GAB4: variants seen among roughly 807,000 people sequenced by gnomAD.
The protein encoded by GAB4 is GRB2-associated-binding protein 4.
In GAB4, 26 loss-of-function variants were observed where a neutral mutation model predicts 51.3. That is an observed-to-expected ratio of 0.51 (90% CI 0.37 to 0.70). The LOEUF is 0.70. Among genes scored for constraint, GAB4 ranks in the 30% least tolerant of loss-of-function variants. The pLI, the probability that GAB4 is intolerant of heterozygous loss-of-function variation, is 0.00. For missense variants in GAB4, 759 were observed against 734.6 expected (o/e 1.03, Z -0.38); for synonymous variants, 329 against 291.2 (o/e 1.13, Z -1.32).
intron 3 of GAB4, among the ~76,000 whole-genome samples, chr22:16,980,407 A>G (rs1222238359): frequency 6.6e-6 from 1 of 152,192 alleles, no homozygotes; most frequent in African/African-American, 2.4e-5. Flanking sequence ...CATGAAAAAA[A>G]GCTCATCATC....
chr22:17,005,942 A>T (rs2061036938), intron 1 of GAB4, among the ~76,000 whole-genome samples: 1 of 152,230 alleles, frequency 6.6e-6, no homozygotes, highest in African/African-American at 2.4e-5. Flanking sequence ...AGGCAATATC[A>T]TCCAGGACAT....
chr22:16,966,333 C>T lies in GAB4; in HGVS notation c.1055G>A (p.Ser352Asn), dbSNP rs754366533. The T allele has an allele frequency of 1.5e-5, 24 of 1,613,376 alleles. No homozygotes were observed. Among genetic ancestry groups the T allele is most frequent in the East Asian group, 6.7e-5 (3 of 44,870 alleles). ...CACACAGCTGCCCTCAGAAGCAATGCTGTCTGACAGGCCCACAAGCGTTCT... is the reference window on the plus strand; with the variant it reads ...CACACAGCTGCCCTCAGAAGCAATGTTGTCTGACAGGCCCACAAGCGTTCT... ...PGRTLVGLSD[S>N]IASEGSCVPM... Residue 352 changes from serine to asparagine, a missense_variant, in exon 6 of 10, where the codon AGC becomes AAC. Coordinates refer to ENST00000400588, the MANE Select transcript of GAB4 (RefSeq NM_001037814.1).
At position 16,964,763 on chromosome 22, in the gene GAB4, C is replaced by T; in HGVS notation, c.1476+3G>A. ...AGCCTTACAGTGACCCCCAAGGACTCACCGGGAAAAGATACCTCTCTCCAC... is the reference window on the plus strand; with the variant it reads ...AGCCTTACAGTGACCCCCAAGGACTTACCGGGAAAAGATACCTCTCTCCAC... On this transcript the variant is annotated splice_donor_region_variant and intron_variant, in intron 8 of 9. Transcript: ENST00000400588. The T allele has an allele frequency of 1.2e-6, 2 of 1,606,070 alleles. No individual in the cohort carries two copies. The highest frequency in any genetic ancestry group is 1.7e-6 in the Non-Finnish European group (2 of 1,172,888).
chr22:16,999,476 T>C (rs1472842921), intron 1 of GAB4, among the ~76,000 whole-genome samples: 1 of 152,194 alleles, frequency 6.6e-6, no homozygotes, highest in Non-Finnish European at 1.5e-5. Flanking sequence ...TCTGTGGGAT[T>C]GGTGGTGATA....
chr22:16,984,922 T>C (rs1471255206), intron 3 of GAB4, among the ~76,000 whole-genome samples: 1 of 152,228 alleles, frequency 6.6e-6, no homozygotes, highest in Non-Finnish European at 1.5e-5. Flanking sequence ...CTGGCCCCAC[T>C]GTGCTGCTTT....
chr22:16,962,709 C>T lies in GAB4; in HGVS notation c.*24G>A. On this transcript the variant is annotated 3_prime_UTR_variant, in exon 10 of 10. Coordinates refer to ENST00000400588, the MANE Select transcript of GAB4 (RefSeq NM_001037814.1). ...GCAGCTCTGAGGCACTGTCCTGGCCCCACTCTGGTTTTGGTGGCCCGAGTC... is the reference window on the plus strand; with the variant it reads ...GCAGCTCTGAGGCACTGTCCTGGCCTCACTCTGGTTTTGGTGGCCCGAGTC... 6.2e-7 allele frequency: 1 copy of T among 1,602,840 alleles called. No homozygotes were observed. Among genetic ancestry groups the T allele is most frequent in the Non-Finnish European group, 8.5e-7 (1 of 1,176,402 alleles).
At chr22:16,994,497 A>G (rs1257877046) in intron 1 of GAB4, among the ~76,000 whole-genome samples, 1 of 152,222 alleles carries the variant, frequency 6.6e-6, no homozygotes, top group Non-Finnish European at 1.5e-5. Flanking sequence ...TAGTGTGAGC[A>G]TAGCAGGTGT....
In GAB4 at chr22:16,962,692, G is replaced by C. The variant is rs1214162919; in HGVS notation, c.*41C>G. The C allele has an allele frequency of 4.4e-6, 7 of 1,581,278 alleles. No homozygotes were observed. In the East Asian group the frequency reaches 1.3e-4, roughly 30 times the overall value. On this transcript the variant is annotated 3_prime_UTR_variant, in exon 10 of 10. Transcript: ENST00000400588. Reference sequence around the variant, plus strand: ...CTTTAGAGTGTGGCGGAGCAGCTCTGAGGCACTGTCCTGGCCCCACTCTGG... The same window carrying C: ...CTTTAGAGTGTGGCGGAGCAGCTCTCAGGCACTGTCCTGGCCCCACTCTGG...
chr22:16,981,144 T>C (rs1601266236), intron 3 of GAB4, among the ~76,000 whole-genome samples: 1 of 151,366 alleles, frequency 6.6e-6, no homozygotes, highest in Admixed American at 6.6e-5. Flanking sequence ...TATCCCAGAA[T>C]TTAAAGTATA....
At chr22:16,974,886 A>G (rs1308051046) in intron 3 of GAB4, among the ~76,000 whole-genome samples, 1 of 152,152 alleles carries the variant, frequency 6.6e-6, no homozygotes, top group Non-Finnish European at 1.5e-5. Context: ...GTGGGGCGTC[A>G]CCTCACCAGG....
At position 16,992,179 on chromosome 22, in the gene GAB4, A is replaced by G; in HGVS notation, c.175-3T>C. 2 of 1,603,542 alleles carry G rather than the reference A, an allele frequency of 1.2e-6. No homozygotes were observed. Among genetic ancestry groups the G allele is most frequent in the Non-Finnish European group, 8.5e-7 (1 of 1,172,800 alleles). Reference sequence around the variant, plus strand: ...ATAAACCAGCGTTTCCTCCAGGCCTAAGGAAGGAGTAAGAAGAGGGGAAGC... The same window carrying G: ...ATAAACCAGCGTTTCCTCCAGGCCTGAGGAAGGAGTAAGAAGAGGGGAAGC... On this transcript the variant is annotated splice_polypyrimidine_tract_variant and splice_region_variant and intron_variant, in intron 1 of 9. Coordinates refer to ENST00000400588, the MANE Select transcript of GAB4 (RefSeq NM_001037814.1).
chr22:17,002,488 T>C (rs1170072817), intron 1 of GAB4, among the ~76,000 whole-genome samples: 2 of 151,690 alleles, frequency 1.3e-5, no homozygotes, highest in African/African-American at 2.4e-5. Flanking sequence ...TGCAAAAACA[T>C]ACCAAAATGT....
At position 16,965,191 on chromosome 22, in the gene GAB4, A is replaced by T; in HGVS notation, c.1366T>A (p.Trp456Arg). The change falls in exon 7 of 10, where the codon TGG becomes AGG. Residue 456 changes from tryptophan (W) to arginine (R), a missense_variant. Coordinates refer to ENST00000400588, the MANE Select transcript of GAB4 (RefSeq NM_001037814.1). ...ACAGACACTCACCTGGTCCCAGACC[A>T]GGGCTCTGTGACAGGTGGCTTGAAG... ...LSFKPPVTEP[W>R]SGTSHTFDSS... 1 of 1,612,792 alleles carries T rather than the reference A, an allele frequency of 6.2e-7. No individual in the cohort carries two copies. The highest frequency in any genetic ancestry group is 1.1e-5 in the South Asian group (1 of 90,966).
At chr22:16,977,700 A>G (rs1601261401) in intron 3 of GAB4, among the ~76,000 whole-genome samples, 2 of 152,230 alleles carry the variant, frequency 1.3e-5, no homozygotes, top group Non-Finnish European at 2.9e-5. Flanking sequence ...AGAACTCTCC[A>G]TCCCAAATCA....
At chr22:16,987,387 C>T (rs1442080583) in intron 3 of GAB4, among the ~76,000 whole-genome samples, 1 of 152,214 alleles carries the variant, frequency 6.6e-6, no homozygotes, top group Non-Finnish European at 1.5e-5. Flanking sequence ...GCAAGAAGTC[C>T]CTTGTGAAAC....
Position 16,963,770 on chromosome 22 carries a change from G to C in GAB4, c.1536C>G (p.Ser512Arg). The C allele has an allele frequency of 6.2e-7, 1 of 1,613,946 alleles. No homozygotes were observed. The highest frequency in any genetic ancestry group is 1.1e-5 in the South Asian group (1 of 91,084). ...GGTSSSAPPR[S>R]TGNIHYAALD... The stretch of plus-strand genomic sequence containing the variant: ...GGGCCGCGTAGTGGATGTTACCAGT[G>C]CTCCTCGGCGGGGCTGAACTGCTGG... Residue 512 changes from serine (S) to arginine (R), a missense_variant, in exon 9 of 10, where the codon AGC becomes AGG. Ser to Arg is a moderately radical substitution (Grantham distance 110). Around this residue, in one of 3 missense-constraint regions of GAB4, gnomAD observed 588 missense variants for 510.2 expected, o/e 1.15. Transcript: ENST00000400588.
chr22:17,002,950 A>G (rs1252459384), intron 1 of GAB4, among the ~76,000 whole-genome samples: 1 of 152,228 alleles, frequency 6.6e-6, no homozygotes, highest in Non-Finnish European at 1.5e-5. Context: ...TGATGTGCAA[A>G]GACACACATA....
chr22:16,969,656 C>T (rs564214081), intron 4 of GAB4: 2 of 646,390 alleles, frequency 3.1e-6, no homozygotes, highest in Admixed American at 5.0e-5. Flanking sequence ...GGGTATTCCG[C>T]CTGGGGATGG....
At chr22:16,994,013 C>T (rs928317477) in intron 1 of GAB4, among the ~76,000 whole-genome samples, 1 of 152,102 alleles carries the variant, frequency 6.6e-6, no homozygotes, top group African/African-American at 2.4e-5. Flanking sequence ...CAGTTCTCCA[C>T]CTCTACTAGG....
Sources: allele counts gnomAD v4.1 joint callset (sites outside exome capture counted in the v4.1 genomes callset), GRCh38; gene constraint gnomAD v4.1.1; regional missense constraint gnomAD v4.1.1; transcripts MANE v1.5; gene names NCBI Gene and HGNC (gene_info 2026-07-23, HGNC 2026-07-21).